MAP1LC3B2: variants seen among roughly 807,000 people sequenced by gnomAD.
MAP1LC3B2 encodes the protein microtubule-associated protein 1 light chain 3 beta 2.
For missense variants in MAP1LC3B2, 155 were observed against 154.6 expected, an observed-to-expected ratio of 1.00 and a Z score of -0.01; for synonymous variants, 62 against 57.8, an observed-to-expected ratio of 1.07 and a Z score of -0.33.
chr12:116,571,195 C>T (rs950474215), intron 1 of MAP1LC3B2, among the ~76,000 whole-genome samples: 1 of 152,192 alleles, frequency 6.6e-6, no homozygotes, highest in Non-Finnish European at 1.5e-5. Flanking sequence ...CTTGGAAAAG[C>T]TCTGCCCATA....
intron 1 of MAP1LC3B2, among the ~76,000 whole-genome samples, chr12:116,560,288 G>T (rs568771771): frequency 7.0e-6 from 1 of 143,026 alleles, no homozygotes; most frequent in Non-Finnish European, 1.5e-5. Context: ...TTCCTCTGTC[G>T]CCCAGGCTGG....
chr12:116,576,292 A>T lies in MAP1LC3B2; in HGVS notation c.350A>T (p.Glu117Val), dbSNP rs142080200. 2.1e-3 allele frequency: 3,341 copies of T among 1,614,122 alleles called. 63 individuals carry two copies. The African/African-American group carries it at 0.038, about 18-fold the overall frequency. Residue 117 changes from glutamate (E) to valine (V), a missense_variant, in exon 2 of 2, where the codon GAG becomes GTG. Transcript: ENST00000556529. ...GFLYMVCASQ[E>V]TFGMKLSV ...CTGTACATGGTCTGTGCCTCCCAGG[A>T]GACGTTCGGGATGAAATTGTCAGTG...
intron 1 of MAP1LC3B2, among the ~76,000 whole-genome samples, chr12:116,560,236 A>ATGTATG (rs1869234412): frequency 1.0e-5 from 1 of 99,064 alleles, no homozygotes; most frequent in African/African-American, 4.0e-5. Flanking sequence ...ATATATATAT[A>ATGTATG]TATATGTATG....
Position 116,576,009 on chromosome 12 carries a change from A to T in MAP1LC3B2, c.67A>T (p.Ile23Phe). ...ACAAAGAGTAGAAGATGTCCGACTT[A>T]TTCGAGAGCAGCATCCAACCAAAAT... is the stretch of plus-strand genomic sequence containing the variant. Reference protein sequence around the residue: ...FEQRVEDVRLIREQHPTKIPV... With the variant: ...FEQRVEDVRLFREQHPTKIPV... Residue 23 changes from isoleucine to phenylalanine, a missense_variant, in exon 2 of 2, where the codon ATT (isoleucine) becomes TTT (phenylalanine). Coordinates refer to ENST00000556529, the MANE Select transcript of MAP1LC3B2 (RefSeq NM_001085481.3). The T allele has an allele frequency of 6.2e-7, 1 of 1,614,242 alleles. No individual in the cohort carries two copies. Among genetic ancestry groups the T allele is most frequent in the Non-Finnish European group, 8.5e-7 (1 of 1,180,042 alleles).
In MAP1LC3B2 at chr12:116,571,458, C is replaced by CTTTTTTTTTTTTTTTTTTT. The variant is rs71095564; in HGVS notation, c.-101-4362_-101-4344dup. On this transcript the variant is annotated intron_variant, in intron 1 of 1. Transcript: ENST00000556529. The stretch of plus-strand genomic sequence containing the variant: ...TAGATGGGAGTAAGGGACTGCTGTT[C>CTTTTTTTTTTTTTTTTTTT]TTTTTTTTTTTTTTTTTTTTTTTTT... Among the ~76,000 whole-genome samples, 4 of 48,110 alleles carry CTTTTTTTTTTTTTTTTTTT rather than the reference C, an allele frequency of 8.3e-5. 1 individual carries two copies. Among genetic ancestry groups the CTTTTTTTTTTTTTTTTTTT allele is most frequent in the African/African-American group, 8.6e-5 (1 of 11,610 alleles). 31.6% of individuals were successfully genotyped at this position (48,110 alleles called of 152,430 possible).
intron 1 of MAP1LC3B2, among the ~76,000 whole-genome samples, chr12:116,563,967 A>G (rs557836755): frequency 6.6e-6 from 1 of 151,796 alleles, no homozygotes; most frequent in East Asian, 1.9e-4. Flanking sequence ...CTGGCCCCAA[A>G]CTCCTGGGTT....
Position 116,571,776 on chromosome 12 carries a change from C to T in MAP1LC3B2, c.-101-4066C>T, listed in dbSNP as rs1869542026. The stretch of plus-strand genomic sequence containing the variant: ...GATTACAGACGTAAGCCACCGCGCC[C>T]GGCCACGGACTGCTATTCTTAGGGA... On this transcript the variant is annotated intron_variant, in intron 1 of 1. Coordinates refer to ENST00000556529, the MANE Select transcript of MAP1LC3B2 (RefSeq NM_001085481.3). 5.3e-5 allele frequency among the ~76,000 whole-genome samples: 8 copies of T among 152,002 alleles called. No homozygotes were observed. The South Asian group carries it at 1.7e-3, about 32-fold the overall frequency.
chr12:116,571,150 A>AGCTTT (rs1265908523), intron 1 of MAP1LC3B2, among the ~76,000 whole-genome samples: 2 of 152,234 alleles, frequency 1.3e-5, no homozygotes, highest in Admixed American at 6.5e-5. Context: ...CATGTAGTCC[A>AGCTTT]GCTTTTTCTG....
intron 1 of MAP1LC3B2, among the ~76,000 whole-genome samples, chr12:116,572,848 G>A (rs989954136): frequency 6.6e-6 from 1 of 152,218 alleles, no homozygotes; most frequent in Non-Finnish European, 1.5e-5. Context: ...GAGTCTCAGA[G>A]GCTGCTAGGG....
At chr12:116,573,020 G>T (rs1292651144) in intron 1 of MAP1LC3B2, among the ~76,000 whole-genome samples, 1 of 152,016 alleles carries the variant, frequency 6.6e-6, no homozygotes, top group Non-Finnish European at 1.5e-5. Context: ...TGCCTCCTGG[G>T]TTCAAGCGAT....
intron 1 of MAP1LC3B2, among the ~76,000 whole-genome samples, chr12:116,566,930 C>CAAAAAAAAAAAAAAAAAAAA (rs56405000): frequency 7.5e-5 from 2 of 26,762 alleles, no homozygotes; most frequent in Non-Finnish European, 1.5e-4. Flanking sequence ...GACTCTGTCT[C>CAAAAAAAAAAAAAAAAAAAA]AAAAAAAAAA....
chr12:116,560,238 ATATG>A (rs1566022614), intron 1 of MAP1LC3B2, among the ~76,000 whole-genome samples: 112 of 106,314 alleles, frequency 1.1e-3, no homozygotes, highest in Middle Eastern at 9.4e-3. Context: ...ATATATATAT[ATATG>A]TATGTATATG....
chr12:116,568,221 G>C (rs1239638916), intron 1 of MAP1LC3B2, among the ~76,000 whole-genome samples: 1 of 152,150 alleles, frequency 6.6e-6, no homozygotes, highest in Non-Finnish European at 1.5e-5. Context: ...AATCTGCTGA[G>C]AGTAACAGGC....
At chr12:116,566,809 T>C (rs1869397675) in intron 1 of MAP1LC3B2, among the ~76,000 whole-genome samples, 1 of 150,108 alleles carries the variant, frequency 6.7e-6, no homozygotes. Context: ...TGGGCACCTG[T>C]AGTCCCAGCT....
chr12:116,571,928 C>T (rs1592868828), intron 1 of MAP1LC3B2, among the ~76,000 whole-genome samples: 3 of 144,398 alleles, frequency 2.1e-5, no homozygotes, highest in Admixed American at 6.9e-5. Flanking sequence ...TAGAAAACAA[C>T]ATACTTCTTG....
At chr12:116,571,964 A>AC (rs1452577081) in intron 1 of MAP1LC3B2, among the ~76,000 whole-genome samples, 36 of 105,304 alleles carry the variant, frequency 3.4e-4, no homozygotes, top group African/African-American at 1.2e-3. Flanking sequence ...TATGACCGTT[A>AC]CAAAAAAAAA....
intron 1 of MAP1LC3B2, among the ~76,000 whole-genome samples, chr12:116,574,783 T>C (rs1002970341): frequency 6.6e-6 from 1 of 151,946 alleles, no homozygotes; most frequent in African/African-American, 2.4e-5. Flanking sequence ...CTTGAACTCC[T>C]GACCTCAAGT....
At chr12:116,569,299 C>T (rs375620122) in intron 1 of MAP1LC3B2, among the ~76,000 whole-genome samples, 1 of 152,042 alleles carries the variant, frequency 6.6e-6, no homozygotes, top group African/African-American at 2.4e-5. Flanking sequence ...CTGAAGAGAC[C>T]TAAACAGTGG....
intron 1 of MAP1LC3B2, among the ~76,000 whole-genome samples, chr12:116,574,395 C>T (rs1373103852): frequency 6.6e-6 from 1 of 152,092 alleles, no homozygotes; most frequent in Admixed American, 6.6e-5. Context: ...CAATCTACCA[C>T]ATAAGGAGGC....
Sources: allele counts gnomAD v4.1 joint callset (sites outside exome capture counted in the v4.1 genomes callset), GRCh38; gene constraint gnomAD v4.1.1; transcripts MANE v1.5; gene names NCBI Gene and HGNC (gene_info 2026-07-23, HGNC 2026-07-21).